GPA33: variants seen among roughly 807,000 people sequenced by gnomAD.
The protein encoded by GPA33 is glycoprotein A33, also known as cell surface A33 antigen.
GPA33 carries 27 observed loss-of-function variants against 35.6 expected under a neutral mutation model. The ratio of observed to expected loss-of-function variants is 0.76; its 90% CI spans 0.56 to 1.04. The LOEUF (loss-of-function observed/expected upper bound fraction) is 1.04, where lower values mean the gene tolerates loss of function less well. Ranked by LOEUF, GPA33 falls within the 50% of genes least tolerant of loss-of-function variation. The probability of loss-of-function intolerance (pLI) is 0.00; values close to 1 mark genes in which losing one functional copy is unlikely to be tolerated. For synonymous variants in GPA33, 176 were observed against 164.0 expected, an observed-to-expected ratio of 1.07 and a Z score of -0.56; for missense variants, 428 against 411.9, an observed-to-expected ratio of 1.04 and a Z score of -0.34.
At chr1:167,055,475 G>A (rs1336780510) in intron 5 of GPA33, among the ~76,000 whole-genome samples, 1 of 152,164 alleles carries the variant, frequency 6.6e-6, no homozygotes, top group Non-Finnish European at 1.5e-5. Flanking sequence ...CTAGGCAGGT[G>A]GGACTGACAA....
Position 167,059,242 on chromosome 1 carries a change from T to C in GPA33, c.572-3393A>G, listed in dbSNP as rs79578234. Among the ~76,000 whole-genome samples, 665 of 152,248 alleles carry C rather than the reference T, an allele frequency of 4.4e-3. 4 individuals carry two copies. Among genetic ancestry groups the C allele is most frequent in the African/African-American group, 0.016 (646 of 41,524 alleles). ...CCACAGGACCTTCTTTGATTCCGAG[T>C]TGGGGCTCCCAAGCCCCTTTTCCTT... On this transcript the variant is annotated intron_variant, in intron 4 of 6. Transcript: ENST00000367868.
intron 4 of GPA33, among the ~76,000 whole-genome samples, chr1:167,056,631 ATG>A (rs527481701): frequency 3.9e-3 from 6 of 1,548 alleles, no homozygotes; most frequent in Middle Eastern, 0.17. Context: ...TGAGTGTGTG[ATG>A]TGTGTGGTGT....
Position 167,055,940 on chromosome 1 carries a change from A to C in GPA33, c.572-91T>G, listed in dbSNP as rs1336123088. 2.2e-6 allele frequency: 3 copies of C among 1,337,150 alleles called. No individual in the cohort carries two copies. In the African/African-American group the frequency reaches 4.3e-5, roughly 19 times the overall value. The allele number at this position is 1,337,150 out of a possible 1,614,324, so 82.8% of individuals were successfully genotyped here. ...GAGGTCTGGACTCCTTGGGAAGCAC[A>C]ACCTCTGCCACTGAGCTTCTTCAGG... On this transcript the variant is annotated intron_variant, in intron 4 of 6. Transcript: ENST00000367868.
Position 167,055,954 on chromosome 1 carries a change from A to G in GPA33, c.572-105T>C, listed in dbSNP as rs548609027. On this transcript the variant is annotated intron_variant, in intron 4 of 6. Transcript: ENST00000367868. ...TTGGGAAGCACAACCTCTGCCACTG[A>G]GCTTCTTCAGGCCGGAGCCCCATGT... is the stretch of plus-strand genomic sequence containing the variant. 2.0e-4 allele frequency: 230 copies of G among 1,167,844 alleles called. 1 individual carries two copies. The South Asian group carries it at 2.5e-3, about 13-fold the overall frequency. 72.3% of individuals were successfully genotyped at this position (1,167,844 alleles called of 1,614,324 possible).
At chr1:167,056,023 A>T (rs931405375) in intron 4 of GPA33, among the ~76,000 whole-genome samples, 174 bp from the exon 5 acceptor site, 5 of 152,154 alleles carry the variant, frequency 3.3e-5, no homozygotes, top group African/African-American at 1.2e-4. Flanking sequence ...CAGGGCCCAC[A>T]ATGTGAAGTG....
chr1:167,072,533 G>A (rs1373684116), intron 2 of GPA33, among the ~76,000 whole-genome samples: 2 of 152,226 alleles, frequency 1.3e-5, no homozygotes, highest in East Asian at 3.9e-4. Flanking sequence ...ATGACCCAGA[G>A]TTTTAATAAT....
chr1:167,054,668 G>C (rs1666196117), intron 6 of GPA33, among the ~76,000 whole-genome samples: 1 of 152,122 alleles, frequency 6.6e-6, no homozygotes, highest in Non-Finnish European at 1.5e-5. Flanking sequence ...GGGGTTACAG[G>C]AACAGGCTGG....
chr1:167,088,133 G>A (rs1667090625), intron 1 of GPA33, among the ~76,000 whole-genome samples: 1 of 152,186 alleles, frequency 6.6e-6, no homozygotes, highest in Non-Finnish European at 1.5e-5. Flanking sequence ...GGAAAGGTCA[G>A]ATGGGAAGAG....
intron 4 of GPA33, among the ~76,000 whole-genome samples, chr1:167,056,817 CAGCGTTTGTAGTGTGTGTGG>C (rs1558002178): frequency 4.1e-3 from 6 of 1,460 alleles, no homozygotes; most frequent in South Asian, 0.024. Context: ...GTGTATGTGG[CAGCGTTTGTAGTGTGTGTGG>C]TGAGTGTGTA....
chr1:167,064,284 CA>C (rs1242150216), intron 3 of GPA33, among the ~76,000 whole-genome samples: 1 of 148,098 alleles, frequency 6.8e-6, no homozygotes, highest in African/African-American at 2.5e-5. Flanking sequence ...AACTCTGTCT[CA>C]AAAAAAGAAA....
rs752212756 is a variant in GPA33 at position 167,055,071 on chromosome 1, G to C, written c.732C>G (p.Gly244=). The change falls in exon 6 of 7, where the codon GGC becomes GGG. Residue 244 remains glycine, a synonymous_variant. Transcript: ENST00000367868. ...CAATGATAATGAGGGCTGCAACCAC[G>C]CCCACCGCGATGCCCACATACAGGG... The part of the protein sequence containing the change: ...NVALYVGIAV[G]VVAALIIIGI... 1 of 1,613,566 alleles carries C rather than the reference G, an allele frequency of 6.2e-7. No homozygotes were observed. The highest frequency in any genetic ancestry group is 1.1e-5 in the South Asian group (1 of 91,076).
At chr1:167,080,528 C>T (rs1336182733) in intron 1 of GPA33, among the ~76,000 whole-genome samples, 1 of 152,220 alleles carries the variant, frequency 6.6e-6, no homozygotes, top group Non-Finnish European at 1.5e-5. Flanking sequence ...TGGCCAAGAG[C>T]ACAAACATTG....
Position 167,069,440 on chromosome 1 carries a change from C to T in GPA33, c.199-302G>A, listed in dbSNP as rs544853536. Among the ~76,000 whole-genome samples the T allele has an allele frequency of 2.6e-5, 4 of 152,310 alleles. No homozygotes were observed. In the South Asian group the frequency reaches 6.2e-4, roughly 24 times the overall value. ...CAGCACTTTCACCTCTTGTAATCTC[C>T]GGCATCTCTCTTATCCATTCCATTT... is the stretch of plus-strand genomic sequence containing the variant. On this transcript the variant is annotated intron_variant, in intron 2 of 6. Coordinates refer to ENST00000367868, the MANE Select transcript of GPA33 (RefSeq NM_005814.3).
intron 1 of GPA33, among the ~76,000 whole-genome samples, chr1:167,074,906 CTT>C (rs774982628): frequency 5.5e-4 from 67 of 121,710 alleles, no homozygotes; most frequent in Non-Finnish European, 6.9e-4. Context: ...ATTTGACTTA[CTT>C]TTTTTTTTTT....
intron 1 of GPA33, among the ~76,000 whole-genome samples, chr1:167,074,906 C>CTTTT (rs774982628): frequency 8.2e-5 from 10 of 121,718 alleles, no homozygotes; most frequent in East Asian, 2.2e-4. Context: ...ATTTGACTTA[C>CTTTT]TTTTTTTTTT....
In GPA33 at chr1:167,054,044, A is replaced by G. The variant is rs181146882; in HGVS notation, c.*290T>C. 2.4e-5 allele frequency: 10 copies of G among 421,540 alleles called. No homozygotes were observed. Among genetic ancestry groups the G allele is most frequent in the African/African-American group, 1.8e-4 (9 of 49,512 alleles). 26.1% of individuals were successfully genotyped at this position (421,540 alleles called of 1,614,324 possible). On this transcript the variant is annotated 3_prime_UTR_variant, in exon 7 of 7. Transcript: ENST00000367868. ...GCTGTGCTTCCAGGAGCTCCTGCCA[A>G]CTACGAGGGAAGTGGAGGCTGCAGC...
intron 1 of GPA33, among the ~76,000 whole-genome samples, chr1:167,079,766 G>T (rs1666889459): frequency 6.6e-6 from 1 of 152,192 alleles, no homozygotes; most frequent in Non-Finnish European, 1.5e-5. Context: ...AAGACATCTG[G>T]CTGGACTTTT....
At chr1:167,070,770 A>G (rs1011584613) in intron 2 of GPA33, among the ~76,000 whole-genome samples, 1 of 152,210 alleles carries the variant, frequency 6.6e-6, no homozygotes, top group African/African-American at 2.4e-5. Context: ...GATGGAAAGA[A>G]TGAAATGAAT....
chr1:167,086,720 C>A (rs1193935112), intron 1 of GPA33, among the ~76,000 whole-genome samples: 3 of 152,186 alleles, frequency 2.0e-5, no homozygotes, highest in Non-Finnish European at 4.4e-5. Context: ...GGATCAAGCA[C>A]CTGTGGGTTT....
Sources: gnomAD v4.1 joint callset for allele counts (sites outside exome capture counted in the v4.1 genomes callset) on GRCh38, gnomAD v4.1.1 for gene constraint, MANE v1.5 for transcripts, NCBI Gene and HGNC (gene_info 2026-07-23, HGNC 2026-07-21) for gene names.